Variants in EXOC4 observed in about 807,000 individuals in gnomAD.
EXOC4 encodes the protein exocyst complex component 4.
Under a neutral mutation model 107.2 loss-of-function variants are expected in EXOC4, and 71 were observed. The observed-to-expected ratio is 0.66, with a 90% CI of 0.55 to 0.81. EXOC4 has a LOEUF of 0.81. Ranked by LOEUF, EXOC4 falls within the 30% of genes least tolerant of loss-of-function variation. The pLI, the probability that EXOC4 is intolerant of heterozygous loss-of-function variation, is 0.00. For missense variants in EXOC4, 1,108 were observed against 1,189.6 expected (o/e 0.93, Z 1.01); for synonymous variants, 456 against 441.2 (o/e 1.03, Z -0.42).
At chr7:133,945,198 CTA>C (rs1800521037) in intron 14 of EXOC4, among the ~76,000 whole-genome samples, 1 of 152,132 alleles carries the variant, frequency 6.6e-6, no homozygotes, top group South Asian at 2.1e-4. Flanking sequence ...GCAGAGAAAC[CTA>C]TGTTGTAAAG....
At chr7:133,276,514 C>T (rs1793996111) in intron 2 of EXOC4, among the ~76,000 whole-genome samples, 1 of 152,068 alleles carries the variant, frequency 6.6e-6, no homozygotes, top group Admixed American at 6.6e-5. Context: ...TGCTGATTTT[C>T]AGGCATTTTT....
intron 17 of EXOC4, among the ~76,000 whole-genome samples, chr7:134,011,494 C>T (rs548327070): frequency 6.4e-4 from 98 of 152,098 alleles, no homozygotes; most frequent in Non-Finnish European, 9.4e-4. Flanking sequence ...CTCAGTTTTT[C>T]CCCTGATTTT....
chr7:134,070,831 T>A (rs1367613610), downstream of EXOC4, among the ~76,000 whole-genome samples: 1 of 152,148 alleles, frequency 6.6e-6, no homozygotes, highest in Non-Finnish European at 1.5e-5. Context: ...CAGTTCCCAT[T>A]TTCCTTGATC....
rs372783690 is a variant in EXOC4, at chr7:133,782,454, G to A, written c.1515-34871G>A. On this transcript the variant is annotated intron_variant, in intron 10 of 17. Coordinates refer to ENST00000253861, the MANE Select transcript of EXOC4 (RefSeq NM_021807.4). Reference sequence around the variant, plus strand: ...AGGCAAAATTCAATTAGAAATTATCGATGCTCCCTGCATGTTGATTTTACT... The same window carrying A: ...AGGCAAAATTCAATTAGAAATTATCAATGCTCCCTGCATGTTGATTTTACT... Among the ~76,000 whole-genome samples, 9 of 152,258 alleles carry A rather than the reference G, an allele frequency of 5.9e-5. No individual in the cohort carries two copies. The East Asian group carries it at 1.4e-3, about 23-fold the overall frequency.
At chr7:133,492,368 AAG>A (rs1799388240) in intron 9 of EXOC4, among the ~76,000 whole-genome samples, 1 of 152,200 alleles carries the variant, frequency 6.6e-6, no homozygotes, top group South Asian at 2.1e-4. Context: ...GAAATATAAA[AAG>A]AGGAGTAGTT....
chr7:133,532,134 T>C (rs1800192592), intron 9 of EXOC4, among the ~76,000 whole-genome samples: 1 of 152,114 alleles, frequency 6.6e-6, no homozygotes, highest in Non-Finnish European at 1.5e-5. Context: ...TTTGGAGCAC[T>C]TTAGATTTTG....
At chr7:133,312,949 G>A (rs766298105) in intron 4 of EXOC4, among the ~76,000 whole-genome samples, 1 of 151,810 alleles carries the variant, frequency 6.6e-6, no homozygotes. Context: ...GATAATACTC[G>A]GTTTAACCTT....
At chr7:133,784,521 C>T (rs1338805400) in intron 10 of EXOC4, among the ~76,000 whole-genome samples, 7 of 152,046 alleles carry the variant, frequency 4.6e-5, no homozygotes, top group African/African-American at 4.8e-5. Context: ...TTGTGTGTGG[C>T]GTTGCTGGTG....
intron 10 of EXOC4, among the ~76,000 whole-genome samples, chr7:133,636,426 A>G (rs1434810292): frequency 6.6e-6 from 1 of 152,186 alleles, no homozygotes; most frequent in Non-Finnish European, 1.5e-5. Context: ...TTAAAAGTTT[A>G]TGCAAAAAGT....
chr7:133,606,646 C>G (rs1356166052), intron 9 of EXOC4, among the ~76,000 whole-genome samples: 1 of 151,726 alleles, frequency 6.6e-6, no homozygotes, highest in African/African-American at 2.4e-5. Flanking sequence ...TCCTGAGTAG[C>G]TAGGATTATA....
intron 11 of EXOC4, among the ~76,000 whole-genome samples, chr7:133,853,853 C>T (rs984468708): frequency 6.6e-6 from 1 of 152,156 alleles, no homozygotes; most frequent in Non-Finnish European, 1.5e-5. Flanking sequence ...TTCCTGTAAG[C>T]CGAGCAGCCT....
chr7:133,902,243 G>A lies in EXOC4; in HGVS notation c.1871+6508G>A, dbSNP rs544476185. 5.3e-5 allele frequency among the ~76,000 whole-genome samples: 8 copies of A among 152,288 alleles called. No homozygotes were observed. In the East Asian group the frequency reaches 1.4e-3, roughly 26 times the overall value. On this transcript the variant is annotated intron_variant, in intron 12 of 17. Coordinates refer to ENST00000253861, the MANE Select transcript of EXOC4 (RefSeq NM_021807.4). ...GTCAGGATACCTTCAAAAATGATCA[G>A]CAGTGGTTCTGTGATTCCATGCTTT...
intron 10 of EXOC4, among the ~76,000 whole-genome samples, chr7:133,755,077 G>A (rs1795870025): frequency 6.6e-6 from 1 of 150,504 alleles, no homozygotes; most frequent in African/African-American, 2.4e-5. Context: ...GAAAAGCTGA[G>A]AAACAGGCTA....
chr7:133,971,413 G>A (rs968214143), intron 14 of EXOC4, among the ~76,000 whole-genome samples: 3 of 143,066 alleles, frequency 2.1e-5, no homozygotes, highest in Non-Finnish European at 3.0e-5. Context: ...AAGAGAGAGA[G>A]AATATGTATT....
downstream of EXOC4, among the ~76,000 whole-genome samples, chr7:134,071,229 C>A (rs919662461): frequency 6.6e-6 from 1 of 152,196 alleles, no homozygotes; most frequent in Non-Finnish European, 1.5e-5. Flanking sequence ...GGGCTTTGCA[C>A]CAGATCTGGT....
intron 10 of EXOC4, among the ~76,000 whole-genome samples, chr7:133,689,630 A>AG (rs1356630368): frequency 6.6e-6 from 1 of 152,212 alleles, no homozygotes; most frequent in Non-Finnish European, 1.5e-5. Context: ...TCAGATATCA[A>AG]GGGTGGGGAG....
chr7:133,370,281 A>G (rs1584860095), intron 6 of EXOC4, among the ~76,000 whole-genome samples: 2 of 152,154 alleles, frequency 1.3e-5, no homozygotes, highest in African/African-American at 4.8e-5. Flanking sequence ...GTCAGGGCAC[A>G]GCTAGTTTTT....
At chr7:133,871,550 A>G (rs141352848) in intron 11 of EXOC4, among the ~76,000 whole-genome samples, 1 of 151,982 alleles carries the variant, frequency 6.6e-6, no homozygotes, top group East Asian at 1.9e-4. Context: ...CCAGATTTTT[A>G]CTCTGGATCC....
At chr7:133,642,424 C>G (rs1181141926) in intron 10 of EXOC4, among the ~76,000 whole-genome samples, 1 of 152,182 alleles carries the variant, frequency 6.6e-6, no homozygotes, top group African/African-American at 2.4e-5. Context: ...GATCTTCATC[C>G]TATTTCCCTC....
Sources: allele counts gnomAD v4.1 joint callset (sites outside exome capture counted in the v4.1 genomes callset), GRCh38; gene constraint gnomAD v4.1.1; transcripts MANE v1.5; gene names NCBI Gene and HGNC (gene_info 2026-07-23, HGNC 2026-07-21).